ZDHHC3: variants seen among roughly 807,000 people sequenced by gnomAD.
The protein encoded by ZDHHC3 is zDHHC palmitoyltransferase 3.
ZDHHC3 carries 9 observed loss-of-function variants against 30.6 expected under a neutral mutation model. That is an observed-to-expected ratio of 0.29 (90% confidence interval 0.18 to 0.51). ZDHHC3 has a LOEUF of 0.51. Ranked by LOEUF, ZDHHC3 falls within the 20% of genes least tolerant of loss-of-function variation. The pLI is 0.97. For missense variants in ZDHHC3, 246 were observed against 384.2 expected (o/e 0.64, Z 3.01); for synonymous variants, 136 against 140.2 (o/e 0.97, Z 0.21).
At chr3:44,943,413 C>CGCTGAGGCAGGGCAG (rs1702618427) in intron 3 of ZDHHC3, among the ~76,000 whole-genome samples, 1 of 152,134 alleles carries the variant, frequency 6.6e-6, no homozygotes, top group South Asian at 2.1e-4. Context: ...AGATGACTGA[C>CGCTGAGGCAGGGCAG]GCTGAGGCAG....
chr3:44,969,699 C>CAT (rs1339864149), intron 1 of ZDHHC3: 1 of 152,124 alleles, frequency 6.6e-6, no homozygotes, highest in Non-Finnish European at 1.5e-5. Flanking sequence ...CAGGCCTGAA[C>CAT]ATAAGCATTT....
intron 3 of ZDHHC3, among the ~76,000 whole-genome samples, chr3:44,944,365 C>T (rs1702726505): frequency 6.6e-6 from 1 of 152,122 alleles, no homozygotes; most frequent in Non-Finnish European, 1.5e-5. Context: ...AGGCTGGTCT[C>T]GAACTCCTGA....
intron 1 of ZDHHC3, among the ~76,000 whole-genome samples, chr3:44,965,500 C>T (rs1213340636): frequency 6.6e-6 from 1 of 152,138 alleles, no homozygotes; most frequent in East Asian, 1.9e-4. Context: ...GGCACTTCAT[C>T]GGGTTGGCCA....
chr3:44,918,197 C>A lies in ZDHHC3; in HGVS notation c.*8492G>T. Reference sequence around the variant, plus strand: ...GTCAGCGTGGTGCTGGGCTGTACAGCTCACATAGACACCCCCAGCTATAGC... The same window carrying A: ...GTCAGCGTGGTGCTGGGCTGTACAGATCACATAGACACCCCCAGCTATAGC... On this transcript the variant is annotated 3_prime_UTR_variant, in exon 7 of 7. Coordinates refer to ENST00000424952, the MANE Select transcript of ZDHHC3 (RefSeq NM_001135179.2). 7.9e-7 allele frequency: 1 copy of A among 1,260,902 alleles called. No homozygotes were observed. Among genetic ancestry groups the A allele is most frequent in the South Asian group, 1.3e-5 (1 of 74,884 alleles). The allele number at this position is 1,260,902 out of a possible 1,614,324, so 78.1% of individuals were successfully genotyped here.
At chr3:44,927,588 C>T (rs935391789) in intron 6 of ZDHHC3, among the ~76,000 whole-genome samples, 2 of 152,236 alleles carry the variant, frequency 1.3e-5, no homozygotes, top group African/African-American at 4.8e-5. Flanking sequence ...CTCCTAGTGG[C>T]TCCTTTGGGG....
Position 44,917,768 on chromosome 3 carries a change from A to T in ZDHHC3, c.*8921T>A. On this transcript the variant is annotated 3_prime_UTR_variant, in exon 7 of 7. Transcript: ENST00000424952. Reference sequence around the variant, plus strand: ...AGAAGGAGGGGAAATGGCAAGGCCAAGCGAGTGGCTAAGGGAAGCACTGGG... The same window carrying T: ...AGAAGGAGGGGAAATGGCAAGGCCATGCGAGTGGCTAAGGGAAGCACTGGG... The T allele has an allele frequency of 8.7e-7, 1 of 1,148,044 alleles. No homozygotes were observed. Among genetic ancestry groups the T allele is most frequent in the Non-Finnish European group, 1.1e-6 (1 of 887,576 alleles). The allele number at this position is 1,148,044 out of a possible 1,614,324, so 71.1% of individuals were successfully genotyped here. A position where few individuals can be genotyped will look rare whatever the true frequency, so the allele number is the denominator to read the frequency against.
intron 3 of ZDHHC3, 46 bp from the exon 4 acceptor site, chr3:44,934,030 T>C (rs762942546): frequency 6.3e-7 from 1 of 1,588,314 alleles, no homozygotes; most frequent in Non-Finnish European, 8.6e-7. Context: ...CCCATGGTGT[T>C]GGGAGGGCCC....
At chr3:44,944,145 T>TA (rs1348291644) in intron 3 of ZDHHC3, among the ~76,000 whole-genome samples, 39 of 151,474 alleles carry the variant, frequency 2.6e-4, no homozygotes, top group African/African-American at 8.5e-4. Context: ...CCCAGCTAAT[T>TA]AAAAAAAAAT....
At position 44,920,926 on chromosome 3, in the gene ZDHHC3, G is replaced by A; in HGVS notation, c.*5763C>T. ...GCAAACAAATCCGATGTATAAAAAT[G>A]GGCTGAGGGCTGCTTTTTCCTGGTA... On this transcript the variant is annotated 3_prime_UTR_variant, in exon 7 of 7. Coordinates refer to ENST00000424952, the MANE Select transcript of ZDHHC3 (RefSeq NM_001135179.2). 1.0e-6 allele frequency: 1 copy of A among 985,410 alleles called. No individual in the cohort carries two copies. 61.0% of individuals were successfully genotyped at this position (985,410 alleles called of 1,614,324 possible).
Position 44,921,371 on chromosome 3 carries a change from A to G in ZDHHC3, c.*5318T>C, listed in dbSNP as rs1700581022. On this transcript the variant is annotated 3_prime_UTR_variant, in exon 7 of 7. Transcript: ENST00000424952. ...CAAATGTGTCTCTTCATAGCGGGCC[A>G]GATAACACTGTCTCTCCTCATCAGA... 3.0e-6 allele frequency: 3 copies of G among 985,474 alleles called. No individual in the cohort carries two copies. The highest frequency in any genetic ancestry group is 3.5e-5 in the African/African-American group (2 of 57,384). 61.0% of individuals were successfully genotyped at this position (985,474 alleles called of 1,614,324 possible). A position where few individuals can be genotyped will look rare whatever the true frequency, so the allele number is the denominator to read the frequency against.
rs1358703801 is a variant in ZDHHC3 at position 44,975,929 on chromosome 3, T to C, written c.-25+4A>G. 3 of 209,320 alleles carry C rather than the reference T, an allele frequency of 1.4e-5. No individual in the cohort carries two copies. Among genetic ancestry groups the C allele is most frequent in the Non-Finnish European group, 2.8e-5 (3 of 106,318 alleles). 13.0% of individuals were successfully genotyped at this position (209,320 alleles called of 1,614,324 possible). A position where few individuals can be genotyped will look rare whatever the true frequency, so the allele number is the denominator to read the frequency against. ...CCCTACCCCAGTTTCCCTTCCCAAC[T>C]GACCGTGAAGCCGGAGGCAGTTCCC... On this transcript the variant is annotated splice_donor_region_variant and intron_variant, in intron 1 of 6. Coordinates refer to ENST00000424952, the MANE Select transcript of ZDHHC3 (RefSeq NM_001135179.2).
Position 44,923,083 on chromosome 3 carries a change from T to C in ZDHHC3, c.*3606A>G, listed in dbSNP as rs1282478483. The C allele has an allele frequency of 1.0e-6, 1 of 969,592 alleles. No individual in the cohort carries two copies. The highest frequency in any genetic ancestry group is 6.2e-5 in the Admixed American group (1 of 16,126). The allele number at this position is 969,592 out of a possible 1,614,324, so 60.1% of individuals were successfully genotyped here. ...TCACATACATGTTTAAAATGTTTGTTTTTTTTTTTTGAGACGGAGTCTCAC... is the reference window on the plus strand; with the variant it reads ...TCACATACATGTTTAAAATGTTTGTCTTTTTTTTTTGAGACGGAGTCTCAC... On this transcript the variant is annotated 3_prime_UTR_variant, in exon 7 of 7. Coordinates refer to ENST00000424952, the MANE Select transcript of ZDHHC3 (RefSeq NM_001135179.2).
chr3:44,932,817 T>C (rs1701612548), intron 5 of ZDHHC3: 1 of 1,265,226 alleles, frequency 7.9e-7, no homozygotes, highest in Non-Finnish European at 1.1e-6. Flanking sequence ...CTCCCACGCA[T>C]TGGAACCGGC....
intron 2 of ZDHHC3, chr3:44,958,734 G>A: frequency 6.8e-7 from 1 of 1,470,934 alleles, no homozygotes; most frequent in Non-Finnish European, 9.2e-7. Context: ...CTCCAGCACT[G>A]TCTTCACTGG....
Position 44,923,846 on chromosome 3 carries a change from G to C in ZDHHC3, c.*2843C>G. The C allele has an allele frequency of 1.0e-6, 1 of 985,306 alleles. No homozygotes were observed. Among genetic ancestry groups the C allele is most frequent in the African/African-American group, 1.7e-5 (1 of 57,310 alleles). The allele number at this position is 985,306 out of a possible 1,614,324, so 61.0% of individuals were successfully genotyped here. On this transcript the variant is annotated 3_prime_UTR_variant, in exon 7 of 7. Coordinates refer to ENST00000424952, the MANE Select transcript of ZDHHC3 (RefSeq NM_001135179.2). ...ACAGTATGAAGAAGACAAAATGGTG[G>C]GACTAAAAGGAGATTTAGCACATGC...
chr3:44,944,389 G>A (rs1702731383), intron 3 of ZDHHC3, among the ~76,000 whole-genome samples: 1 of 151,824 alleles, frequency 6.6e-6, no homozygotes, highest in Non-Finnish European at 1.5e-5. Context: ...CAGGTGATCC[G>A]CCCGCCTCAG....
Position 44,918,328 on chromosome 3 carries a change from G to T in ZDHHC3, c.*8361C>A. 3 of 985,362 alleles carry T rather than the reference G, an allele frequency of 3.0e-6. No homozygotes were observed. Among genetic ancestry groups the T allele is most frequent in the Non-Finnish European group, 3.6e-6 (3 of 829,902 alleles). The allele number at this position is 985,362 out of a possible 1,614,324, so 61.0% of individuals were successfully genotyped here. On this transcript the variant is annotated 3_prime_UTR_variant, in exon 7 of 7. Transcript: ENST00000424952. The stretch of plus-strand genomic sequence containing the variant: ...GTCACCCCCGGGAGGTCCCTCAGAG[G>T]ACTGCTGGGGTGTGGGTGGACAGCA...
chr3:44,958,732 C>G, intron 2 of ZDHHC3: 1 of 1,476,862 alleles, frequency 6.8e-7, no homozygotes, highest in African/African-American at 1.4e-5. Flanking sequence ...AGCTCCAGCA[C>G]TGTCTTCACT....
Position 44,924,820 on chromosome 3 carries a change from A to G in ZDHHC3, c.*1869T>C. ...ATGGAAAACAAATGCTATCAACTTG[A>G]TCTAAAACAGCATTCTTTTCTTTTT... On this transcript the variant is annotated 3_prime_UTR_variant, in exon 7 of 7. Coordinates refer to ENST00000424952, the MANE Select transcript of ZDHHC3 (RefSeq NM_001135179.2). The G allele has an allele frequency of 1.0e-6, 1 of 985,516 alleles. No individual in the cohort carries two copies. Among genetic ancestry groups the G allele is most frequent in the Non-Finnish European group, 1.2e-6 (1 of 829,940 alleles). 61.0% of individuals were successfully genotyped at this position (985,516 alleles called of 1,614,324 possible). A position where few individuals can be genotyped will look rare whatever the true frequency, so the allele number is the denominator to read the frequency against.
Sources: gnomAD v4.1 joint callset for allele counts (sites outside exome capture counted in the v4.1 genomes callset) on GRCh38, gnomAD v4.1.1 for gene constraint, MANE v1.5 for transcripts, NCBI Gene and HGNC (gene_info 2026-07-23, HGNC 2026-07-21) for gene names.